The following CSMD3 variants were observed in gnomAD, a reference collection of about 807,000 sequenced individuals.
CSMD3 encodes CUB and sushi domain-containing protein 3.
A neutral mutation model predicts 435.2 loss-of-function variants in CSMD3; 177 were observed. That is an observed-to-expected ratio of 0.41 (90% CI 0.36 to 0.46). CSMD3 has a LOEUF of 0.46. Ranked by LOEUF, CSMD3 falls within the 20% of genes least tolerant of loss-of-function variation. The pLI, the probability that CSMD3 is intolerant of heterozygous loss-of-function variation, is 0.34. For synonymous variants in CSMD3, 1,656 were observed against 1,520.5 expected (o/e 1.09, Z -2.07); for missense variants, 4,265 against 4,504.6 (o/e 0.95, Z 1.52).
intron 38 of CSMD3, among the ~76,000 whole-genome samples, chr8:112,370,035 A>C (rs201153245): frequency 1.1e-5 from 1 of 92,532 alleles, no homozygotes; most frequent in Non-Finnish European, 2.3e-5. Context: ...AAGAAGAAGA[A>C]GAAGAAGAAG....
Position 112,773,435 on chromosome 8 carries a change from A to G in CSMD3, c.1972+26727T>C, listed in dbSNP as rs1042546037. 1.7e-4 allele frequency among the ~76,000 whole-genome samples: 26 copies of G among 152,180 alleles called. No homozygotes were observed. The South Asian group carries it at 2.5e-3, about 15-fold the overall frequency. On this transcript the variant is annotated intron_variant, in intron 13 of 70. Transcript: ENST00000297405. ...TTCTAATAAATCTTTTTGTTACAGA[A>G]AATTAAAAGAAAAAATATTAAGAGC...
chr8:112,645,797 T>A (rs2074963886), intron 19 of CSMD3, among the ~76,000 whole-genome samples: 1 of 152,230 alleles, frequency 6.6e-6, no homozygotes, highest in Non-Finnish European at 1.5e-5. Flanking sequence ...TTTGATTTGA[T>A]ATTCATTTCT....
intron 13 of CSMD3, among the ~76,000 whole-genome samples, chr8:112,728,760 G>A (rs1391033937): frequency 1.3e-5 from 2 of 151,990 alleles, no homozygotes; most frequent in African/African-American, 4.8e-5. Context: ...AAATTTGCAT[G>A]CCATTTCTCC....
intron 2 of CSMD3, among the ~76,000 whole-genome samples, chr8:113,302,943 T>A (rs1391891739): frequency 7.5e-6 from 1 of 132,746 alleles, no homozygotes; most frequent in East Asian, 2.1e-4. Flanking sequence ...ATAAAGGGTA[T>A]TCAATTAGGA....
chr8:112,696,882 A>G lies in CSMD3; in HGVS notation c.1973-6832T>C, dbSNP rs552645237. ...AAGAACTCAAACAAATTTACAAGAA[A>G]AAAACAAACAACCCCATCACAAAGT... On this transcript the variant is annotated intron_variant, in intron 13 of 70. Transcript: ENST00000297405. Among the ~76,000 whole-genome samples the G allele has an allele frequency of 9.2e-5, 14 of 152,300 alleles. No individual in the cohort carries two copies. The East Asian group carries it at 1.9e-3, about 21-fold the overall frequency.
intron 63 of CSMD3, among the ~76,000 whole-genome samples, chr8:112,249,188 C>T (rs931818070): frequency 6.6e-6 from 1 of 152,036 alleles, no homozygotes; most frequent in Non-Finnish European, 1.5e-5. Flanking sequence ...ATAAATTTTC[C>T]CTTCATTCAC....
intron 8 of CSMD3, among the ~76,000 whole-genome samples, chr8:112,952,789 G>A: frequency 6.6e-6 from 1 of 151,164 alleles, no homozygotes; most frequent in African/African-American, 2.4e-5. Context: ...TAAAATTATG[G>A]AGCAAATTAA....
chr8:112,265,098 A>T (rs1816809796), intron 60 of CSMD3, among the ~76,000 whole-genome samples: 1 of 152,068 alleles, frequency 6.6e-6, no homozygotes, highest in African/African-American at 2.4e-5. Flanking sequence ...CATCAAGGTT[A>T]TATTCTTTTG....
At chr8:113,170,664 C>T (rs1426153555) in intron 4 of CSMD3, among the ~76,000 whole-genome samples, 1 of 152,052 alleles carries the variant, frequency 6.6e-6, no homozygotes, top group Non-Finnish European at 1.5e-5. Flanking sequence ...TTACTGTCTG[C>T]CCCACTGGAC....
Position 112,492,669 on chromosome 8 carries a change from A to C in CSMD3, c.5098T>G (p.Ser1700Ala). The C allele has an allele frequency of 6.2e-7, 1 of 1,613,766 alleles. No homozygotes were observed. The highest frequency in any genetic ancestry group is 1.7e-5 in the Admixed American group (1 of 59,996). The change falls in exon 31 of 71, where the codon TCC becomes GCC. Residue 1700 changes from serine (S) to alanine (A), a missense_variant. Physicochemically the swap from Ser to Ala is moderately conservative, Grantham distance 99. Around this residue, in one of 3 missense-constraint regions of CSMD3, gnomAD observed 3,255 missense variants for 3,380.2 expected, o/e 0.96. Coordinates refer to ENST00000297405, the MANE Select transcript of CSMD3 (RefSeq NM_198123.2). ...ATTATATTGCCTGGATCAAAGCAGG[A>C]CTCTCGCAGTTTTGCTGTAAAACAG... ...HLEYKAKLRE[S>A]CFDPGNIMNG...
intron 28 of CSMD3, among the ~76,000 whole-genome samples, chr8:112,514,512 T>C (rs1823473208): frequency 6.6e-6 from 1 of 152,256 alleles, no homozygotes; most frequent in Admixed American, 6.5e-5. Flanking sequence ...TCTTCTTAAT[T>C]TGTTTCTCAA....
intron 39 of CSMD3, among the ~76,000 whole-genome samples, chr8:112,351,516 A>C (rs1826135245): frequency 6.6e-6 from 1 of 151,978 alleles, no homozygotes; most frequent in Non-Finnish European, 1.5e-5. Flanking sequence ...TCCTATAACA[A>C]TATGTTTTAC....
Position 112,638,810 on chromosome 8 carries a change from C to T in CSMD3, c.3412G>A (p.Gly1138Ser), listed in dbSNP as rs767485935. The change falls in exon 21 of 71, where the codon GGT becomes AGT. Residue 1138 changes from glycine to serine, a missense_variant. Coordinates refer to ENST00000297405, the MANE Select transcript of CSMD3 (RefSeq NM_198123.2). ...TTGATTGTTGGAGGAAGATCTGAAC[C>T]AGTCAGGCGTGCCAGTGGTTGGGTA... ...SFTQPLARLT[G>S]SDLPPTINAG... is the part of the protein sequence containing the mutation. 1.2e-6 allele frequency: 2 copies of T among 1,612,412 alleles called. No homozygotes were observed. Among genetic ancestry groups the T allele is most frequent in the Non-Finnish European group, 1.7e-6 (2 of 1,178,784 alleles).
chr8:113,371,376 G>T (rs1334896783), intron 1 of CSMD3, among the ~76,000 whole-genome samples: 2 of 151,966 alleles, frequency 1.3e-5, no homozygotes, highest in Non-Finnish European at 2.9e-5. Context: ...ATTACAAATA[G>T]TAAATATTAA....
At chr8:112,675,677 T>C (rs1349807533) in intron 16 of CSMD3, among the ~76,000 whole-genome samples, 1 of 152,108 alleles carries the variant, frequency 6.6e-6, no homozygotes, top group East Asian at 1.9e-4. Flanking sequence ...CAAATTTCAG[T>C]ATCTGCATGG....
At chr8:113,113,352 G>A (rs1420096987) in intron 4 of CSMD3, among the ~76,000 whole-genome samples, 1 of 152,126 alleles carries the variant, frequency 6.6e-6, no homozygotes, top group Non-Finnish European at 1.5e-5. Context: ...ATACAGCAAT[G>A]AACATAGTAA....
chr8:112,962,795 A>G (rs2084279606), intron 7 of CSMD3, among the ~76,000 whole-genome samples: 1 of 151,904 alleles, frequency 6.6e-6, no homozygotes, highest in Admixed American at 6.6e-5. Flanking sequence ...TTCCCTTTCC[A>G]GGTCCATTCT....
intron 45 of CSMD3, among the ~76,000 whole-genome samples, chr8:112,328,709 C>T (rs919454157): frequency 2.6e-5 from 4 of 151,944 alleles, no homozygotes; most frequent in Non-Finnish European, 2.9e-5. Context: ...GTGGTTTCCC[C>T]GATACTGTTC....
chr8:112,474,550 A>G (rs1818852878), intron 31 of CSMD3, among the ~76,000 whole-genome samples: 1 of 152,186 alleles, frequency 6.6e-6, no homozygotes, highest in Non-Finnish European at 1.5e-5. Flanking sequence ...ATTAGATATC[A>G]GTAGTGGCTT....
Sources: allele counts gnomAD v4.1 joint callset (sites outside exome capture counted in the v4.1 genomes callset), GRCh38; gene constraint gnomAD v4.1.1; regional missense constraint gnomAD v4.1.1; transcripts MANE v1.5; gene names NCBI Gene and HGNC (gene_info 2026-07-23, HGNC 2026-07-21).